CNOT8: variants seen among roughly 807,000 people sequenced by gnomAD.
CNOT8 encodes the protein CCR4-NOT transcription complex subunit 8.
A neutral mutation model predicts 34.6 loss-of-function variants in CNOT8; 18 were observed. The observed-to-expected ratio is 0.52, with a 90% CI of 0.36 to 0.77. The LOEUF (loss-of-function observed/expected upper bound fraction) is 0.77, where lower values mean the gene tolerates loss of function less well. Ranked by LOEUF, CNOT8 falls within the 30% of genes least tolerant of loss-of-function variation. The pLI, the probability that CNOT8 is intolerant of heterozygous loss-of-function variation, is 0.00. For missense variants in CNOT8, 189 were observed against 347.9 expected, an observed-to-expected ratio of 0.54 and a Z score of 3.63; for synonymous variants, 101 against 118.8, an observed-to-expected ratio of 0.85 and a Z score of 0.98.
chr5:154,871,669 G>T, intron 4 of CNOT8, 61 bp from the exon 5 acceptor site: 1 of 1,524,750 alleles, frequency 6.6e-7, no homozygotes, highest in African/African-American at 1.4e-5. Context: ...AAATAAAATG[G>T]TTGAACACTG....
intron 3 of CNOT8, among the ~76,000 whole-genome samples, chr5:154,869,425 GTTTT>G (rs765749537): frequency 1.3e-4 from 17 of 127,346 alleles, no homozygotes; most frequent in African/African-American, 4.4e-4. Flanking sequence ...GGCCTTGTTG[GTTTT>G]TTTTTTTTTT....
intron 1 of CNOT8, chr5:154,859,312 C>A (rs1431957363): frequency 6.6e-6 from 1 of 152,134 alleles, no homozygotes; most frequent in Non-Finnish European, 1.5e-5. Context: ...AATTTGGAAT[C>A]TTGCGGGCCT....
chr5:154,862,592 ATCTAAAGAGGCACTGGTATG>A (rs1403490027), intron 1 of CNOT8, among the ~76,000 whole-genome samples: 12 of 152,224 alleles, frequency 7.9e-5, no homozygotes, highest in African/African-American at 2.2e-4. Flanking sequence ...GTTTGCACAA[ATCTAAAGAGGCACTGGTATG>A]TCTAAAGAGG....
chr5:154,870,568 A>T (rs1762396966), intron 3 of CNOT8, 93 bp from the exon 4 acceptor site: 1 of 942,916 alleles, frequency 1.1e-6, no homozygotes. Flanking sequence ...TTTCAAAAAT[A>T]CTTGTACTAT....
At position 154,876,676 on chromosome 5, in the gene CNOT8, A is replaced by ACTC. The variant is rs1561700217; in HGVS notation, c.*1238_*1240dup. On this transcript the variant is annotated 3_prime_UTR_variant, in exon 7 of 7. Transcript: ENST00000285896. Reference sequence around the variant, plus strand: ...CTTGCATTTTAAAAGCTTATGGGAAACTCAATTTGAAATGATTAGAAAATG... The same window carrying ACTC: ...CTTGCATTTTAAAAGCTTATGGGAAACTCCTCAATTTGAAATGATTAGAAAATG... 1 of 152,566 alleles carries ACTC rather than the reference A, an allele frequency of 6.6e-6. No homozygotes were observed. The highest frequency in any genetic ancestry group is 6.5e-5 in the Admixed American group (1 of 15,274). 9.5% of individuals were successfully genotyped at this position (152,566 alleles called of 1,614,324 possible).
chr5:154,873,252 TG>T (rs1254568695), intron 6 of CNOT8, among the ~76,000 whole-genome samples: 1 of 152,212 alleles, frequency 6.6e-6, no homozygotes, highest in Admixed American at 6.5e-5. Context: ...TGAAAGTGGT[TG>T]TTTTTTGTTA....
rs1381927518 is a variant in CNOT8, at chr5:154,875,518, G to T, written c.*79G>T. 1.3e-6 allele frequency: 2 copies of T among 1,512,632 alleles called. No individual in the cohort carries two copies. Among genetic ancestry groups the T allele is most frequent in the Non-Finnish European group, 1.8e-6 (2 of 1,119,108 alleles). The allele number at this position is 1,512,632 out of a possible 1,614,324, so 93.7% of individuals were successfully genotyped here. A position where few individuals can be genotyped will look rare whatever the true frequency, so the allele number is the denominator to read the frequency against. On this transcript the variant is annotated 3_prime_UTR_variant, in exon 7 of 7. Transcript: ENST00000285896. ...GACTGTGTACTTATCTTCCCCAAGA[G>T]AAAATGCTTCTTTTGAGCACACTGT...
rs1762907667 is a variant in CNOT8 at position 154,876,126 on chromosome 5, A to G, written c.*687A>G. On this transcript the variant is annotated 3_prime_UTR_variant, in exon 7 of 7. Coordinates refer to ENST00000285896, the MANE Select transcript of CNOT8 (RefSeq NM_001301073.2). ...CTCCAGAATGAGTGTTGACCACTGA[A>G]GCATCTTTTAAGTCTGTGTTCCATT... The G allele has an allele frequency of 6.6e-6, 1 of 152,232 alleles. No individual in the cohort carries two copies. Among genetic ancestry groups the G allele is most frequent in the Non-Finnish European group, 1.5e-5 (1 of 68,044 alleles). The allele number at this position is 152,232 out of a possible 1,614,324, so 9.4% of individuals were successfully genotyped here. A position where few individuals can be genotyped will look rare whatever the true frequency, so the allele number is the denominator to read the frequency against.
intron 6 of CNOT8, among the ~76,000 whole-genome samples, chr5:154,873,264 T>A (rs1352466810): frequency 6.6e-6 from 1 of 152,218 alleles, no homozygotes; most frequent in African/African-American, 2.4e-5. Context: ...TTTTTTGTTA[T>A]GGTATTCTGC....
intron 3 of CNOT8, among the ~76,000 whole-genome samples, chr5:154,869,946 A>C (rs997642415): frequency 6.6e-6 from 1 of 152,198 alleles, no homozygotes; most frequent in African/African-American, 2.4e-5. Context: ...TTTGGTAGAG[A>C]CAGGGTTTCA....
chr5:154,865,000 C>G (rs181074694), intron 2 of CNOT8, among the ~76,000 whole-genome samples, 192 bp from the exon 3 acceptor site: 1 of 152,088 alleles, frequency 6.6e-6, no homozygotes, highest in Non-Finnish European at 1.5e-5. Context: ...TGTGATTGTG[C>G]CACTGCCCTC....
chr5:154,871,641 G>A, intron 4 of CNOT8, 89 bp from the exon 5 acceptor site: 15 of 1,170,188 alleles, frequency 1.3e-5, no homozygotes, highest in Non-Finnish European at 1.8e-5. Flanking sequence ...ACATGAAGTA[G>A]CATTTACAAG....
chr5:154,874,617 C>G (rs1359968005), intron 6 of CNOT8, among the ~76,000 whole-genome samples: 2 of 151,994 alleles, frequency 1.3e-5, no homozygotes, highest in Admixed American at 1.3e-4. Flanking sequence ...TCACTGCAAC[C>G]TCTGCCTCTC....
chr5:154,859,365 C>A (rs1304797950), intron 1 of CNOT8: 5 of 152,158 alleles, frequency 3.3e-5, no homozygotes, highest in Non-Finnish European at 7.3e-5. Flanking sequence ...CTTGCGGCCC[C>A]ATAACTTTTT....
chr5:154,875,170 G>C lies in CNOT8; in HGVS notation c.730-120G>C, dbSNP rs1762831931. ...GACCCCAAGTGATCTGCCCGCCTCAGCCTCACAAAGTGCTTGGATTCCAGA... is the reference window on the plus strand; with the variant it reads ...GACCCCAAGTGATCTGCCCGCCTCACCCTCACAAAGTGCTTGGATTCCAGA... On this transcript the variant is annotated intron_variant, in intron 6 of 6. Coordinates refer to ENST00000285896, the MANE Select transcript of CNOT8 (RefSeq NM_001301073.2). 2.7e-6 allele frequency: 3 copies of C among 1,106,282 alleles called. No homozygotes were observed. The South Asian group carries it at 4.3e-5, about 16-fold the overall frequency. 68.5% of individuals were successfully genotyped at this position (1,106,282 alleles called of 1,614,324 possible). A position where few individuals can be genotyped will look rare whatever the true frequency, so the allele number is the denominator to read the frequency against.
chr5:154,869,623 TGTG>T (rs1561687772), intron 3 of CNOT8, among the ~76,000 whole-genome samples: 5 of 127,654 alleles, frequency 3.9e-5, no homozygotes, highest in African/African-American at 1.5e-4. Context: ...TTTGTTTTTT[TGTG>T]TTTTTTTTTT....
chr5:154,860,595 A>C (rs956417790), intron 1 of CNOT8, among the ~76,000 whole-genome samples: 3 of 152,194 alleles, frequency 2.0e-5, no homozygotes, highest in Non-Finnish European at 4.4e-5. Context: ...GGTGTGAGCC[A>C]CTGCCCTTAT....
chr5:154,871,735 A>G lies in CNOT8; in HGVS notation c.479A>G (p.Tyr160Cys), dbSNP rs769223795. The G allele has an allele frequency of 6.2e-7, 1 of 1,614,000 alleles. No individual in the cohort carries two copies. The highest frequency in any genetic ancestry group is 1.1e-5 in the South Asian group (1 of 91,068). Residue 160 changes from tyrosine (Y) to cysteine (C), a missense_variant, in exon 5 of 7, where the codon TAT (tyrosine) becomes TGT (cysteine). Tyr to Cys is a radical substitution (Grantham distance 194). This residue lies in a region of CNOT8 where 160 missense variants were observed against 321.9 expected (regional missense o/e 0.50). Coordinates refer to ENST00000285896, the MANE Select transcript of CNOT8 (RefSeq NM_001301073.2). ...TGTGGTTTATTCTCTTGTAGTGGCT[A>G]TGATTTTGGCTATATGGTAAAGTTG... ...NVKWLSFHSG[Y>C]DFGYMVKLLT...
chr5:154,863,013 CTGTGTG>C (rs139384684), intron 1 of CNOT8, among the ~76,000 whole-genome samples, 188 bp from the exon 2 acceptor site: 2 of 151,906 alleles, frequency 1.3e-5, no homozygotes. Context: ...CAAGAAAGAA[CTGTGTG>C]TGTGTGCGTG....
Sources: allele counts gnomAD v4.1 joint callset (sites outside exome capture counted in the v4.1 genomes callset), GRCh38; gene constraint gnomAD v4.1.1; regional missense constraint gnomAD v4.1.1; transcripts MANE v1.5; gene names NCBI Gene and HGNC (gene_info 2026-07-23, HGNC 2026-07-21).